Variants in IARS2 observed in about 807,000 individuals in gnomAD.
IARS2 encodes the protein isoleucyl-tRNA synthetase 2, mitochondrial, also known as isoleucine--tRNA ligase, mitochondrial.
In IARS2, 56 loss-of-function variants were observed where a neutral mutation model predicts 126.3. That is an observed-to-expected ratio of 0.44 (90% CI 0.36 to 0.55). The LOEUF is 0.55. IARS2 is among the 20% of genes least tolerant of loss of function. The pLI, the probability that IARS2 is intolerant of heterozygous loss-of-function variation, is 0.00. For missense variants in IARS2, 1,127 were observed against 1,245.9 expected (o/e 0.90, Z 1.44); for synonymous variants, 407 against 441.1 (o/e 0.92, Z 0.97).
chr1:220,106,800 T>C (rs932444344), intron 9 of IARS2, among the ~76,000 whole-genome samples: 5 of 151,878 alleles, frequency 3.3e-5, no homozygotes, highest in African/African-American at 1.2e-4. Flanking sequence ...GCCTGGCTAA[T>C]TTTTGTATTT....
At chr1:220,114,069 A>G (rs1571851292) in intron 11 of IARS2, among the ~76,000 whole-genome samples, 1 of 152,172 alleles carries the variant, frequency 6.6e-6, no homozygotes, top group South Asian at 2.1e-4. Flanking sequence ...AAAAAATGCA[A>G]CAATGCTCCT....
At chr1:220,098,560 G>A (rs933519467) in intron 2 of IARS2, among the ~76,000 whole-genome samples, 45 of 152,066 alleles carry the variant, frequency 3.0e-4, no homozygotes, top group Non-Finnish European at 5.4e-4. Flanking sequence ...AGACCTTGTC[G>A]TTTTTGTTTA....
At chr1:220,127,351 C>T (rs1341868606) in intron 14 of IARS2, among the ~76,000 whole-genome samples, 1 of 152,158 alleles carries the variant, frequency 6.6e-6, no homozygotes, top group Non-Finnish European at 1.5e-5. Context: ...GTACAAACAG[C>T]TGACTAACTT....
At chr1:220,111,059 T>G (rs1571849590) in intron 11 of IARS2, 122 bp downstream of exon 11, 1 of 898,370 alleles carries the variant, frequency 1.1e-6, no homozygotes. Context: ...TGATTTAGTT[T>G]CATAACATTG....
intron 14 of IARS2, among the ~76,000 whole-genome samples, 177 bp from the exon 15 acceptor site, chr1:220,134,225 C>T (rs1031948385): frequency 6.6e-6 from 1 of 152,184 alleles, no homozygotes; most frequent in East Asian, 1.9e-4. Flanking sequence ...TGTCCCATTA[C>T]TACTGGTGAT....
At chr1:220,134,618 C>A in intron 15 of IARS2, 108 bp downstream of exon 15, 1 of 549,294 alleles carries the variant, frequency 1.8e-6, no homozygotes, top group Non-Finnish European at 3.1e-6. Flanking sequence ...CTTACAGTGT[C>A]CTGTAAGAAT....
At chr1:220,100,317 GTTTCC>G (rs1656545263) in intron 2 of IARS2, among the ~76,000 whole-genome samples, 168 bp from the exon 3 acceptor site, 1 of 151,764 alleles carries the variant, frequency 6.6e-6, no homozygotes. Context: ...TAATTTATAC[GTTTCC>G]TTTCAAATTG....
chr1:220,100,403 G>A, intron 2 of IARS2, 87 bp from the exon 3 acceptor site: 1 of 1,114,674 alleles, frequency 9.0e-7, no homozygotes, highest in Non-Finnish European at 1.3e-6. Context: ...ATGTATGAAT[G>A]CTAATTATCA....
chr1:220,118,946 T>A (rs1311198285), intron 12 of IARS2, among the ~76,000 whole-genome samples: 2 of 152,166 alleles, frequency 1.3e-5, no homozygotes, highest in African/African-American at 2.4e-5. Context: ...GTTCTAGAAT[T>A]AAATTTAGTA....
intron 22 of IARS2, among the ~76,000 whole-genome samples, chr1:220,146,558 TTG>T (rs1251639276): frequency 2.1e-5 from 3 of 143,804 alleles, no homozygotes; most frequent in African/African-American, 7.5e-5. Flanking sequence ...CTTATGCTGC[TTG>T]TGTTTTTCAT....
intron 15 of IARS2, chr1:220,134,762 G>GTT (rs1558129936): frequency 3.5e-5 from 8 of 231,016 alleles, no homozygotes; most frequent in South Asian, 1.8e-4. Context: ...GTTCTTTGTT[G>GTT]TTGTTGTTTT....
At chr1:220,094,551 C>G in intron 1 of IARS2, 68 bp downstream of exon 1, 1 of 1,336,662 alleles carries the variant, frequency 7.5e-7, no homozygotes, top group Non-Finnish European at 1.0e-6. Flanking sequence ...CGGGCGCTCG[C>G]AGGCGCCACA....
chr1:220,133,374 C>T (rs1056499056), intron 14 of IARS2, among the ~76,000 whole-genome samples: 16 of 152,138 alleles, frequency 1.1e-4, no homozygotes, highest in African/African-American at 3.6e-4. Flanking sequence ...AAGGCAGAGT[C>T]CAGATTTCCC....
Position 220,102,390 on chromosome 1 carries a change from G to A in IARS2, c.727G>A (p.Val243Met), listed in dbSNP as rs750724636. 9.9e-6 allele frequency: 16 copies of A among 1,613,668 alleles called. No individual in the cohort carries two copies. Among genetic ancestry groups the A allele is most frequent in the South Asian group, 1.1e-5 (1 of 90,996 alleles). Residue 243 changes from valine (V) to methionine (M), a missense_variant, in exon 5 of 23, where the codon GTG becomes ATG. Val to Met is a conservative substitution (Grantham distance 21, BLOSUM62 1). Coordinates refer to ENST00000366922, the MANE Select transcript of IARS2 (RefSeq NM_018060.4). ...CTTGGTTTATCGATCTTACAAACCT[G>A]TGTTTTGGTCTCCGTCATCTAGGTA... ...KGLVYRSYKP[V>M]FWSPSSRTAL...
intron 7 of IARS2, 111 bp downstream of exon 7, chr1:220,102,888 A>T: frequency 1.4e-6 from 1 of 694,354 alleles, no homozygotes; most frequent in Non-Finnish European, 2.5e-6. Context: ...TTAATGAATT[A>T]TAACTTAGTT....
At position 220,094,191 on chromosome 1, in the gene IARS2, A is replaced by G. The variant is rs879220688; in HGVS notation, c.-26A>G. ...CTTCAAGCTGGGGCGGGAGCGGAGG[A>G]CCCCGCTCTCAGGGGTTGCCGGACC... On this transcript the variant is annotated 5_prime_UTR_variant, in exon 1 of 23. Coordinates refer to ENST00000366922, the MANE Select transcript of IARS2 (RefSeq NM_018060.4). 6.6e-7 allele frequency: 1 copy of G among 1,526,180 alleles called. No individual in the cohort carries two copies. The highest frequency in any genetic ancestry group is 1.3e-5 in the South Asian group (1 of 78,518). The allele number at this position is 1,526,180 out of a possible 1,614,324, so 94.5% of individuals were successfully genotyped here. A position where few individuals can be genotyped will look rare whatever the true frequency, so the allele number is the denominator to read the frequency against.
chr1:220,115,217 T>C (rs935712833), intron 12 of IARS2, among the ~76,000 whole-genome samples: 1 of 152,212 alleles, frequency 6.6e-6, no homozygotes, highest in East Asian at 1.9e-4. Flanking sequence ...TCCAAATCAC[T>C]ACACATAGAT....
At chr1:220,102,445 G>C (rs1270745123) in intron 5 of IARS2, 33 bp downstream of exon 5, 1 of 1,611,474 alleles carries the variant, frequency 6.2e-7, no homozygotes, top group Non-Finnish European at 8.5e-7. Context: ...TTAAAAGGGA[G>C]AAATTTGTGA....
In IARS2 at chr1:220,103,513, T is replaced by C; in HGVS notation, c.1017T>C (p.Ser339=). 3 of 1,613,694 alleles carry C rather than the reference T, an allele frequency of 1.9e-6. No homozygotes were observed. The highest frequency in any genetic ancestry group is 2.5e-6 in the Non-Finnish European group (3 of 1,179,628). Residue 339 remains serine, a synonymous_variant, in exon 8 of 23, where the codon TCT becomes TCC. Coordinates refer to ENST00000366922, the MANE Select transcript of IARS2 (RefSeq NM_018060.4). The stretch of plus-strand genomic sequence containing the variant: ...TACTGGCGGCAGATAAAGTAGCATC[T>C]GTTGCTTCTACTTTGGAAACAACAT... ...LYVLAADKVA[S]VASTLETTFE... is the part of the protein sequence containing the mutation.
Sources: allele counts gnomAD v4.1 joint callset (sites outside exome capture counted in the v4.1 genomes callset), GRCh38; gene constraint gnomAD v4.1.1; transcripts MANE v1.5; gene names NCBI Gene and HGNC (gene_info 2026-07-23, HGNC 2026-07-21).